The following ACAD11 variants were observed in gnomAD, a reference collection of about 807,000 sequenced individuals.
ACAD11 encodes the protein acyl-CoA dehydrogenase family member 11.
A neutral mutation model predicts 102.2 loss-of-function variants in ACAD11; 83 were observed. The observed-to-expected ratio is 0.81, with a 90% confidence interval of 0.68 to 0.97. ACAD11 has a LOEUF of 0.97. Ranked by LOEUF, ACAD11 falls within the 50% of genes least tolerant of loss-of-function variation. The pLI, the probability that ACAD11 is intolerant of heterozygous loss-of-function variation, is 0.00. For synonymous variants in ACAD11, 324 were observed against 319.8 expected (o/e 1.01, Z -0.14); for missense variants, 901 against 951.7 (o/e 0.95, Z 0.70).
chr3:132,636,423 T>C (rs1164685112), intron 5 of ACAD11, among the ~76,000 whole-genome samples: 2 of 152,198 alleles, frequency 1.3e-5, no homozygotes, highest in Non-Finnish European at 1.5e-5. Flanking sequence ...ATTTTATTAA[T>C]ATGTATGTGT....
chr3:132,619,352 G>T, intron 10 of ACAD11, 116 bp downstream of exon 10: 2 of 597,436 alleles, frequency 3.3e-6, no homozygotes, highest in African/African-American at 1.9e-5. Flanking sequence ...TTTTTTTAAA[G>T]GTTATTATTG....
chr3:132,615,915 AG>A (rs1939388892), intron 11 of ACAD11, among the ~76,000 whole-genome samples: 1 of 152,170 alleles, frequency 6.6e-6, no homozygotes, highest in Non-Finnish European at 1.5e-5. Context: ...GACTTATTGA[AG>A]GGGGGAAAAA....
chr3:132,563,287 G>T (rs1478725355), intron 17 of ACAD11, among the ~76,000 whole-genome samples: 1 of 152,082 alleles, frequency 6.6e-6, no homozygotes, highest in Non-Finnish European at 1.5e-5. Context: ...GGCTACTTTA[G>T]TGTTTTTGTA....
intron 17 of ACAD11, among the ~76,000 whole-genome samples, chr3:132,562,419 T>C (rs1242770363): frequency 6.6e-6 from 1 of 152,216 alleles, no homozygotes; most frequent in Non-Finnish European, 1.5e-5. Context: ...AGTTTCTGTG[T>C]ATTTGTATAC....
intron 2 of ACAD11, among the ~76,000 whole-genome samples, chr3:132,643,777 T>C (rs906184154): frequency 6.6e-6 from 1 of 151,882 alleles, no homozygotes; most frequent in South Asian, 2.1e-4. Flanking sequence ...AAGCAAAAAG[T>C]GGATCACAGA....
rs115350067 is a variant in ACAD11 at position 132,648,290 on chromosome 3, T to C, written c.150-3394A>G. On this transcript the variant is annotated intron_variant, in intron 1 of 19. Transcript: ENST00000264990. ...TCCAGTTCAGATGCAGTTTACTAAT[T>C]AGATGTTATTTTTACCATAAGCAAT... Among the ~76,000 whole-genome samples, 931 of 152,332 alleles carry C rather than the reference T, an allele frequency of 6.1e-3. 13 individuals are homozygous for C. Among genetic ancestry groups the C allele is most frequent in the African/African-American group, 0.022 (897 of 41,568 alleles).
intron 9 of ACAD11, among the ~76,000 whole-genome samples, chr3:132,626,394 A>T (rs1258506194): frequency 6.6e-6 from 1 of 151,962 alleles, no homozygotes; most frequent in East Asian, 1.9e-4. Flanking sequence ...ATATTTACAA[A>T]AAAAAAAAAG....
chr3:132,626,969 A>G, intron 8 of ACAD11, 152 bp from the exon 9 acceptor site: 1 of 666,296 alleles, frequency 1.5e-6, no homozygotes, highest in Non-Finnish European at 2.4e-6. Context: ...AGTCTTCCAT[A>G]TTATGGACTG....
At chr3:132,594,923 A>T (rs1054710441) in intron 13 of ACAD11, among the ~76,000 whole-genome samples, 1 of 152,192 alleles carries the variant, frequency 6.6e-6, no homozygotes, top group African/African-American at 2.4e-5. Flanking sequence ...TTGAGTAGTC[A>T]TTATGTGTCA....
chr3:132,627,896 C>G (rs1009677273), intron 8 of ACAD11, among the ~76,000 whole-genome samples: 4 of 152,084 alleles, frequency 2.6e-5, no homozygotes, highest in Non-Finnish European at 5.9e-5. Context: ...GTGTTCGATG[C>G]CTGAAAAAGT....
intron 1 of ACAD11, chr3:132,649,746 A>T (rs1337226569): frequency 6.6e-6 from 1 of 152,176 alleles, no homozygotes; most frequent in Non-Finnish European, 1.5e-5. Flanking sequence ...TCTCTTGTCC[A>T]GACTGACTAG....
intron 13 of ACAD11, among the ~76,000 whole-genome samples, chr3:132,591,375 G>C (rs1193245418): frequency 6.6e-6 from 1 of 151,938 alleles, no homozygotes; most frequent in Non-Finnish European, 1.5e-5. Flanking sequence ...CCCATTTTCA[G>C]AGATATTTTT....
intron 5 of ACAD11, among the ~76,000 whole-genome samples, chr3:132,634,744 A>T (rs1055384602): frequency 3.3e-5 from 5 of 152,182 alleles, no homozygotes; most frequent in African/African-American, 1.2e-4. Flanking sequence ...TGATGAGTTC[A>T]TGTCTTTGCA....
intron 16 of ACAD11, 21 bp downstream of exon 16, chr3:132,576,923 T>A (rs1228743738): frequency 9.7e-6 from 15 of 1,551,002 alleles, no homozygotes; most frequent in Non-Finnish European, 1.3e-5. Flanking sequence ...TACTGAAGAA[T>A]CATTTCCAAA....
intron 13 of ACAD11, among the ~76,000 whole-genome samples, chr3:132,584,046 G>T (rs983827623): frequency 1.3e-5 from 2 of 152,192 alleles, no homozygotes; most frequent in Non-Finnish European, 2.9e-5. Context: ...TTGATTTGGG[G>T]TGGAGAGTTC....
intron 6 of ACAD11, 78 bp from the exon 7 acceptor site, chr3:132,630,636 C>T: frequency 7.6e-7 from 1 of 1,316,978 alleles, no homozygotes; most frequent in Non-Finnish European, 1.0e-6. Context: ...GACTGAGACG[C>T]ATATGTAAAA....
In ACAD11 at chr3:132,558,694, G is replaced by T. The variant is rs540368731; in HGVS notation, c.*277C>A. 1.5e-4 allele frequency: 47 copies of T among 317,398 alleles called. 1 individual carries two copies. Among genetic ancestry groups the T allele is most frequent in the Non-Finnish European group, 2.2e-4 (39 of 175,348 alleles). 19.7% of individuals were successfully genotyped at this position (317,398 alleles called of 1,614,324 possible). A position where few individuals can be genotyped will look rare whatever the true frequency, so the allele number is the denominator to read the frequency against. On this transcript the variant is annotated 3_prime_UTR_variant, in exon 20 of 20. Coordinates refer to ENST00000264990, the MANE Select transcript of ACAD11 (RefSeq NM_032169.5). The stretch of plus-strand genomic sequence containing the variant: ...TTTTAAATTTTTTGTAGCAATGGGG[G>T]TCTCGCTATGTTGCCCAGGCTGGTC...
chr3:132,642,171 T>C, intron 3 of ACAD11, 38 bp from the exon 4 acceptor site: 1 of 1,543,146 alleles, frequency 6.5e-7, no homozygotes, highest in Non-Finnish European at 8.8e-7. Context: ...TAAATGTGTA[T>C]AATCAATACT....
Position 132,652,369 on chromosome 3 carries a change from T to A in ACAD11, c.149+7234A>T, listed in dbSNP as rs1940960064. ...CTGTGAGTCCATTAAACCTCTTTCCTTTATAAATTACCCAGTCTCGGGTAT... is the reference window on the plus strand; with the variant it reads ...CTGTGAGTCCATTAAACCTCTTTCCATTATAAATTACCCAGTCTCGGGTAT... On this transcript the variant is annotated intron_variant, in intron 1 of 19. Transcript: ENST00000264990. Among the ~76,000 whole-genome samples the A allele has an allele frequency of 3.9e-5, 6 of 152,346 alleles. No individual in the cohort carries two copies. The South Asian group carries it at 1.2e-3, about 32-fold the overall frequency.
Sources: allele counts gnomAD v4.1 joint callset (sites outside exome capture counted in the v4.1 genomes callset), GRCh38; gene constraint gnomAD v4.1.1; transcripts MANE v1.5; gene names NCBI Gene and HGNC (gene_info 2026-07-23, HGNC 2026-07-21).